CSMD1: variants seen among roughly 807,000 people sequenced by gnomAD.
CSMD1 encodes CUB and Sushi multiple domains 1, also known as CUB and sushi domain-containing protein 1.
In CSMD1, 213 loss-of-function variants were observed where a neutral mutation model predicts 417.5. The ratio of observed to expected loss-of-function variants is 0.51; its 90% CI spans 0.46 to 0.57. The LOEUF (loss-of-function observed/expected upper bound fraction) is 0.57. Ranked by LOEUF, CSMD1 falls within the 20% of genes least tolerant of loss-of-function variation. CSMD1 has a pLI of 0.00. For synonymous variants in CSMD1, 2,862 were observed against 1,736.8 expected (o/e 1.65, Z -16.11); for missense variants, 6,923 against 4,529.7 (o/e 1.53, Z -15.17).
intron 5 of CSMD1, among the ~76,000 whole-genome samples, chr8:3,780,178 G>C (rs1451270908): frequency 6.6e-6 from 1 of 152,284 alleles, no homozygotes; most frequent in Middle Eastern, 3.4e-3. Flanking sequence ...AATATGACAG[G>C]TTAAAAGTTA....
chr8:4,330,454 T>A (rs1470131255), intron 3 of CSMD1, among the ~76,000 whole-genome samples: 1 of 151,874 alleles, frequency 6.6e-6, no homozygotes, highest in Non-Finnish European at 1.5e-5. Flanking sequence ...ACCATGCATG[T>A]TGGCAGGTGC....
intron 5 of CSMD1, among the ~76,000 whole-genome samples, chr8:3,832,281 C>T (rs947743788): frequency 6.6e-6 from 1 of 152,098 alleles, no homozygotes; most frequent in African/African-American, 2.4e-5. Flanking sequence ...CCTGAGTACA[C>T]GGGATTATTT....
At chr8:3,723,429 G>T (rs1244341782) in intron 6 of CSMD1, among the ~76,000 whole-genome samples, 1 of 152,160 alleles carries the variant, frequency 6.6e-6, no homozygotes, top group Admixed American at 6.5e-5. Flanking sequence ...CTCAAGGAGG[G>T]TGCATTATCC....
chr8:3,479,458 T>G (rs75229385), intron 11 of CSMD1, among the ~76,000 whole-genome samples: 2 of 152,094 alleles, frequency 1.3e-5, no homozygotes, highest in Non-Finnish European at 2.9e-5. Flanking sequence ...TTTTGTACTT[T>G]TAGTACATAT....
At chr8:4,423,236 T>C (rs1263883359) in intron 2 of CSMD1, among the ~76,000 whole-genome samples, 1 of 152,040 alleles carries the variant, frequency 6.6e-6, no homozygotes, top group Non-Finnish European at 1.5e-5. Flanking sequence ...AAAGAAAATA[T>C]ATGCGTATGG....
intron 2 of CSMD1, among the ~76,000 whole-genome samples, chr8:4,585,088 C>T (rs1411256864): frequency 8.1e-6 from 1 of 124,188 alleles, no homozygotes; most frequent in African/African-American, 3.6e-5. Flanking sequence ...ACCAAGTGAT[C>T]AAAAACTGAG....
intron 52 of CSMD1, among the ~76,000 whole-genome samples, chr8:3,003,168 T>C (rs74522954): frequency 0.05 from 7,665 of 152,274 alleles, 200 homozygotes; most frequent in East Asian, 0.072. Context: ...ACTCACAGAA[T>C]ACTCTTTAAC....
At chr8:3,190,141 CG>C in intron 33 of CSMD1, 26 bp from the exon 34 acceptor site, 1 of 1,540,828 alleles carries the variant, frequency 6.5e-7, no homozygotes, top group Non-Finnish European at 8.8e-7. Flanking sequence ...AGAACACAGC[CG>C]TCTGTATCTC....
chr8:3,918,121 A>T (rs1240002876), intron 5 of CSMD1, among the ~76,000 whole-genome samples: 2 of 151,842 alleles, frequency 1.3e-5, no homozygotes, highest in African/African-American at 4.8e-5. Context: ...TTGTTTCCTA[A>T]TCCTGGCAAT....
At chr8:4,148,150 G>C (rs1585421474) in intron 3 of CSMD1, among the ~76,000 whole-genome samples, 1 of 152,202 alleles carries the variant, frequency 6.6e-6, no homozygotes, top group East Asian at 1.9e-4. Flanking sequence ...TCAACTTAGA[G>C]TCAATAACAG....
intron 2 of CSMD1, among the ~76,000 whole-genome samples, chr8:4,465,067 T>A (rs916823094): frequency 6.6e-6 from 1 of 152,064 alleles, no homozygotes; most frequent in Non-Finnish European, 1.5e-5. Flanking sequence ...CATTTCAGAC[T>A]CAGTTTACCT....
At chr8:4,629,924 T>C (rs1454187039) in intron 2 of CSMD1, among the ~76,000 whole-genome samples, 1 of 152,146 alleles carries the variant, frequency 6.6e-6, no homozygotes, top group Non-Finnish European at 1.5e-5. Flanking sequence ...AAGAGGAATA[T>C]CCCAGGAAGC....
At chr8:3,381,060 G>T (rs145051721) in intron 18 of CSMD1, among the ~76,000 whole-genome samples, 1 of 152,226 alleles carries the variant, frequency 6.6e-6, no homozygotes, top group East Asian at 1.9e-4. Flanking sequence ...GTCAGGCAAA[G>T]TCTCTTGCTT....
intron 1 of CSMD1, among the ~76,000 whole-genome samples, chr8:4,979,501 A>G (rs1489899226): frequency 1.3e-5 from 2 of 152,212 alleles, no homozygotes; most frequent in African/African-American, 4.8e-5. Flanking sequence ...GCTAAGGGAA[A>G]TTATTTCTAT....
At chr8:4,087,305 T>G (rs1800470907) in intron 3 of CSMD1, among the ~76,000 whole-genome samples, 1 of 152,110 alleles carries the variant, frequency 6.6e-6, no homozygotes, top group African/African-American at 2.4e-5. Flanking sequence ...TTCCTGCAGG[T>G]GATTTTCCAG....
Position 3,999,634 on chromosome 8 carries a change from T to C in CSMD1, c.611-1524A>G, listed in dbSNP as rs112915010. On this transcript the variant is annotated intron_variant, in intron 4 of 69. Transcript: ENST00000635120. ...TTTTTGTTCCCGGAGTTTGGAGTAT[T>C]GCATTTCCCATCCTTCCTACGGGAT... Among the ~76,000 whole-genome samples the C allele has an allele frequency of 4.0e-3, 602 of 152,326 alleles. 4 individuals carry two copies. The highest frequency in any genetic ancestry group is 0.02 in the Middle Eastern group (6 of 294).
intron 5 of CSMD1, among the ~76,000 whole-genome samples, chr8:3,769,713 G>C (rs938376802): frequency 2.0e-5 from 3 of 152,028 alleles, no homozygotes; most frequent in African/African-American, 4.8e-5. Flanking sequence ...ATTCCATTGA[G>C]TGAACATACC....
At chr8:3,173,770 C>T (rs1040155400) in intron 37 of CSMD1, among the ~76,000 whole-genome samples, 3 of 152,006 alleles carry the variant, frequency 2.0e-5, no homozygotes, top group Non-Finnish European at 4.4e-5. Context: ...TCATGTTCAC[C>T]AAAATTCCAA....
In CSMD1 at chr8:3,087,078, A is replaced by G. The variant is rs914117263; in HGVS notation, c.7474+19T>C. 1.2e-6 allele frequency: 2 copies of G among 1,606,352 alleles called. No homozygotes were observed. The highest frequency in any genetic ancestry group is 4.5e-5 in the East Asian group (2 of 44,796). ...CAATACACAGGAAACAAGGCTGGGG[A>G]TGAAAACGCATTTCTTACCCTGGCA... is the stretch of plus-strand genomic sequence containing the variant. On this transcript the variant is annotated intron_variant, in intron 49 of 69. Coordinates refer to ENST00000635120, the MANE Select transcript of CSMD1 (RefSeq NM_033225.6).
Sources: allele counts gnomAD v4.1 joint callset (sites outside exome capture counted in the v4.1 genomes callset), GRCh38; gene constraint gnomAD v4.1.1; transcripts MANE v1.5; gene names NCBI Gene and HGNC (gene_info 2026-07-23, HGNC 2026-07-21).